Variants in UBASH3B observed in about 807,000 individuals in gnomAD.
UBASH3B encodes ubiquitin-associated and SH3 domain-containing protein B.
A neutral mutation model predicts 83.4 loss-of-function variants in UBASH3B; 37 were observed. That is an observed-to-expected ratio of 0.44 (90% CI 0.34 to 0.58). The LOEUF (loss-of-function observed/expected upper bound fraction) is 0.58, where lower values mean the gene tolerates loss of function less well. Ranked by LOEUF, UBASH3B falls within the 20% of genes least tolerant of loss-of-function variation. The pLI, the probability that UBASH3B is intolerant of heterozygous loss-of-function variation, is 0.01. For synonymous variants in UBASH3B, 304 were observed against 318.3 expected (o/e 0.96, Z 0.48); for missense variants, 657 against 827.2 (o/e 0.79, Z 2.52).
chr11:122,688,098 C>A (rs1204287889), intron 1 of UBASH3B, among the ~76,000 whole-genome samples: 2 of 152,118 alleles, frequency 1.3e-5, no homozygotes, highest in Non-Finnish European at 2.9e-5. Context: ...TTACTGCACA[C>A]CTCAGGAACA....
intron 1 of UBASH3B, among the ~76,000 whole-genome samples, chr11:122,707,349 T>C (rs980309648): frequency 6.6e-6 from 1 of 152,080 alleles, no homozygotes; most frequent in African/African-American, 2.4e-5. Flanking sequence ...GTGGTAACCT[T>C]TTCCTAACGT....
chr11:122,784,181 G>A (rs1344059023), intron 5 of UBASH3B, among the ~76,000 whole-genome samples: 2 of 152,184 alleles, frequency 1.3e-5, no homozygotes, highest in Non-Finnish European at 2.9e-5. Flanking sequence ...TGATCTGCAC[G>A]CCTCGGTGTC....
intron 1 of UBASH3B, among the ~76,000 whole-genome samples, chr11:122,734,612 G>A (rs1860901812): frequency 1.3e-5 from 2 of 152,102 alleles, no homozygotes; most frequent in African/African-American, 4.8e-5. Context: ...TCACTCCAAC[G>A]ACTGCCTTGG....
In UBASH3B at chr11:122,789,273, C is replaced by T; in HGVS notation, c.945C>T (p.Thr315=). 6.2e-7 allele frequency: 1 copy of T among 1,614,198 alleles called. No homozygotes were observed. The highest frequency in any genetic ancestry group is 8.5e-7 in the Non-Finnish European group (1 of 1,180,030). The change falls in exon 6 of 14, where the codon ACC becomes ACT. Residue 315 remains threonine, a synonymous_variant. Coordinates refer to ENST00000284273, the MANE Select transcript of UBASH3B (RefSeq NM_032873.5). ...GACTCCTGCCTGAGAATTACATTAC[C>T]AAGGCTGATGAATGCAGCACCTGGA... The part of the protein sequence containing the change: ...CSGLLPENYI[T]KADECSTWIF...
intron 1 of UBASH3B, among the ~76,000 whole-genome samples, chr11:122,751,823 T>C (rs4936737): frequency 0.83 from 127,015 of 152,120 alleles, 53,834 homozygotes; most frequent in Non-Finnish European, 0.91. Context: ...TTGTATCTCA[T>C]GTTAGCTCCA....
chr11:122,683,666 GA>G (rs1863773176), intron 1 of UBASH3B, among the ~76,000 whole-genome samples: 1 of 150,534 alleles, frequency 6.6e-6, no homozygotes, highest in Admixed American at 6.6e-5. Flanking sequence ...TATCACACCT[GA>G]AAAATAATTA....
intron 1 of UBASH3B, 44 bp from the exon 2 acceptor site, chr11:122,776,175 G>T (rs772180811): frequency 6.3e-7 from 1 of 1,590,662 alleles, no homozygotes. Flanking sequence ...GCAGGGAGAG[G>T]AGGCTAAAAA....
rs58303947 is a variant in UBASH3B at position 122,771,216 on chromosome 11, G to A, written c.162-5003G>A. ...CCTTCTGCTTTCCTTTCTTTCTCTAGTCAGCTCTTACTTTGCTTTTTTTTT... is the reference window on the plus strand; with the variant it reads ...CCTTCTGCTTTCCTTTCTTTCTCTAATCAGCTCTTACTTTGCTTTTTTTTT... On this transcript the variant is annotated intron_variant, in intron 1 of 13. Coordinates refer to ENST00000284273, the MANE Select transcript of UBASH3B (RefSeq NM_032873.5). Among the ~76,000 whole-genome samples the A allele has an allele frequency of 2.9e-4, 43 of 147,180 alleles. No homozygotes were observed. In the East Asian group the frequency reaches 3.4e-3, roughly 12 times the overall value.
chr11:122,753,414 G>A (rs928913552), intron 1 of UBASH3B, among the ~76,000 whole-genome samples: 4 of 151,492 alleles, frequency 2.6e-5, no homozygotes, highest in African/African-American at 9.7e-5. Context: ...TTGTGCCACT[G>A]CACTCCAGCC....
intron 1 of UBASH3B, among the ~76,000 whole-genome samples, chr11:122,754,306 G>A (rs1861249972): frequency 6.6e-6 from 1 of 152,208 alleles, no homozygotes; most frequent in Non-Finnish European, 1.5e-5. Flanking sequence ...TCTGCTCAAG[G>A]AAACTGTCTT....
At chr11:122,672,893 TA>T (rs769431286) in intron 1 of UBASH3B, among the ~76,000 whole-genome samples, 1 of 152,122 alleles carries the variant, frequency 6.6e-6, no homozygotes, top group Non-Finnish European at 1.5e-5. Flanking sequence ...ACATGGCCTC[TA>T]GGGGTGTCCT....
intron 1 of UBASH3B, among the ~76,000 whole-genome samples, chr11:122,717,262 T>C (rs554847611): frequency 6.6e-6 from 1 of 152,162 alleles, no homozygotes; most frequent in Non-Finnish European, 1.5e-5. Flanking sequence ...TTCCAAATCC[T>C]CATTGCCTGT....
chr11:122,788,992 C>T lies in UBASH3B; in HGVS notation c.772-108C>T, dbSNP rs1010865126. ...AGACCCCAAGGGCTCCTGGGCACAT[C>T]GCCCTCTGGAGGTGTGCAGTATTAA... On this transcript the variant is annotated intron_variant, in intron 5 of 13. Transcript: ENST00000284273. 5.9e-6 allele frequency: 6 copies of T among 1,019,596 alleles called. No individual in the cohort carries two copies. The South Asian group carries it at 8.9e-5, about 15-fold the overall frequency. 63.2% of individuals were successfully genotyped at this position (1,019,596 alleles called of 1,614,324 possible).
At chr11:122,696,459 T>C (rs902546364) in intron 1 of UBASH3B, among the ~76,000 whole-genome samples, 4 of 151,586 alleles carry the variant, frequency 2.6e-5, no homozygotes, top group Admixed American at 1.3e-4. Flanking sequence ...TATAGGCACC[T>C]GCCACCATGC....
chr11:122,700,996 G>A (rs1265178988), intron 1 of UBASH3B, among the ~76,000 whole-genome samples: 2 of 152,076 alleles, frequency 1.3e-5, no homozygotes, highest in Non-Finnish European at 2.9e-5. Flanking sequence ...GAATCATCAC[G>A]TCTCATCACA....
chr11:122,792,361 C>T (rs1370659067), intron 6 of UBASH3B, among the ~76,000 whole-genome samples: 1 of 149,820 alleles, frequency 6.7e-6, no homozygotes, highest in Non-Finnish European at 1.5e-5. Flanking sequence ...CTCTGTTGCC[C>T]AGGCTGGAGC....
At chr11:122,710,863 G>A (rs1431214511) in intron 1 of UBASH3B, among the ~76,000 whole-genome samples, 1 of 152,092 alleles carries the variant, frequency 6.6e-6, no homozygotes, top group African/African-American at 2.4e-5. Context: ...GGGGCAGGGT[G>A]GTGGGGGTGG....
intron 1 of UBASH3B, among the ~76,000 whole-genome samples, chr11:122,679,573 T>G (rs907052821): frequency 6.6e-5 from 10 of 152,172 alleles, no homozygotes. Flanking sequence ...CACTGAAGTC[T>G]GGGACACCTT....
At chr11:122,784,845 T>C (rs1860920015) in intron 5 of UBASH3B, among the ~76,000 whole-genome samples, 1 of 152,140 alleles carries the variant, frequency 6.6e-6, no homozygotes, top group African/African-American at 2.4e-5. Flanking sequence ...TTTGAGTCAT[T>C]TGATGCAGGT....
Sources: allele counts gnomAD v4.1 joint callset (sites outside exome capture counted in the v4.1 genomes callset), GRCh38; gene constraint gnomAD v4.1.1; transcripts MANE v1.5; gene names NCBI Gene and HGNC (gene_info 2026-07-23, HGNC 2026-07-21).